Variants in ACAA2 observed in about 807,000 individuals in gnomAD.
ACAA2 encodes the protein acetyl-CoA acyltransferase 2, also known as 3-ketoacyl-CoA thiolase, mitochondrial.
In ACAA2, 35 loss-of-function variants were observed where a neutral mutation model predicts 44.8. That is an observed-to-expected ratio of 0.78 (90% CI 0.60 to 1.04). The LOEUF (loss-of-function observed/expected upper bound fraction) is 1.04, where lower values mean the gene tolerates loss of function less well. Ranked by LOEUF, ACAA2 falls within the 50% of genes least tolerant of loss-of-function variation. The pLI is 0.00. For synonymous variants in ACAA2, 142 were observed against 166.5 expected (o/e 0.85, Z 1.13); for missense variants, 468 against 482.6 (o/e 0.97, Z 0.28).
intron 2 of ACAA2, among the ~76,000 whole-genome samples, chr18:49,799,492 C>T (rs563553362): frequency 1.5e-4 from 23 of 152,342 alleles, no homozygotes; most frequent in African/African-American, 4.6e-4. Flanking sequence ...GCTGGGATTG[C>T]GGACGGAGTC....
At chr18:49,789,578 C>T (rs1395050175) in intron 7 of ACAA2, among the ~76,000 whole-genome samples, 1 of 152,152 alleles carries the variant, frequency 6.6e-6, no homozygotes, top group Non-Finnish European at 1.5e-5. Context: ...GCTAATCTAC[C>T]AGAACCTATT....
intron 2 of ACAA2, among the ~76,000 whole-genome samples, chr18:49,800,493 T>C (rs1222065984): frequency 2.0e-5 from 3 of 152,154 alleles, no homozygotes; most frequent in African/African-American, 7.2e-5. Context: ...AATCGGATGG[T>C]TGCCGTGTCT....
chr18:49,783,922 A>G lies in ACAA2; in HGVS notation c.1119T>C (p.Gly373=). 6.2e-7 allele frequency: 1 copy of G among 1,613,984 alleles called. No individual in the cohort carries two copies. The highest frequency in any genetic ancestry group is 8.5e-7 in the Non-Finnish European group (1 of 1,179,940). ...AAGCTGATCCAACGGCATATTTTCCACCTCGACGCCTGAAAAAGAAAGCAG... is the reference window on the plus strand; with the variant it reads ...AAGCTGATCCAACGGCATATTTTCCGCCTCGACGCCTGAAAAAGAAAGCAG... ...AHLVHELRRR[G]GKYAVGSACI... is the part of the protein sequence containing the mutation. The change falls in exon 10 of 10, where the codon GGT becomes GGC. Residue 373 remains glycine, a synonymous_variant. Coordinates refer to ENST00000285093, the MANE Select transcript of ACAA2 (RefSeq NM_006111.3).
intron 8 of ACAA2, 134 bp from the exon 9 acceptor site, chr18:49,785,485 C>G: frequency 1.2e-6 from 1 of 820,324 alleles, no homozygotes; most frequent in Non-Finnish European, 1.9e-6. Context: ...GTTATTTTAT[C>G]TACAATCATT....
At position 49,789,509 on chromosome 18, in the gene ACAA2, A is replaced by C. The variant is rs117072570; in HGVS notation, c.883+1961T>G. Among the ~76,000 whole-genome samples, 16 of 152,324 alleles carry C rather than the reference A, an allele frequency of 1.1e-4. No homozygotes were observed. The East Asian group carries it at 2.9e-3, about 28-fold the overall frequency. On this transcript the variant is annotated intron_variant, in intron 7 of 9. Transcript: ENST00000285093. The stretch of plus-strand genomic sequence containing the variant: ...GGAGCATTCTTTGTACTTTAGGGCA[A>C]ATATTCAGGCCCAGGAACAGAAGGA...
rs942033096 is a variant in ACAA2, at chr18:49,782,333, T to G, written c.*1514A>C. 2.6e-5 allele frequency: 4 copies of G among 152,182 alleles called. No homozygotes were observed. Among genetic ancestry groups the G allele is most frequent in the African/African-American group, 9.7e-5 (4 of 41,436 alleles). The allele number at this position is 152,182 out of a possible 1,614,324, so 9.4% of individuals were successfully genotyped here. A position where few individuals can be genotyped will look rare whatever the true frequency, so the allele number is the denominator to read the frequency against. ...TATCCCAAACCGTGGGTAGGCCGCTTGTCATCTGCCTCTCTATGACAGAAA... is the reference window on the plus strand; with the variant it reads ...TATCCCAAACCGTGGGTAGGCCGCTGGTCATCTGCCTCTCTATGACAGAAA... On this transcript the variant is annotated 3_prime_UTR_variant, in exon 10 of 10. Coordinates refer to ENST00000285093, the MANE Select transcript of ACAA2 (RefSeq NM_006111.3).
intron 7 of ACAA2, among the ~76,000 whole-genome samples, chr18:49,788,710 T>C (rs1259733327): frequency 6.6e-6 from 1 of 152,218 alleles, no homozygotes; most frequent in Non-Finnish European, 1.5e-5. Flanking sequence ...ACACACTTCC[T>C]TGTCTGCATA....
At chr18:49,792,391 T>C in intron 5 of ACAA2, 64 bp from the exon 6 acceptor site, 1 of 1,357,508 alleles carries the variant, frequency 7.4e-7, no homozygotes, top group Non-Finnish European at 1.0e-6. Context: ...AAATCAAACA[T>C]ATTATTCAAT....
intron 5 of ACAA2, 99 bp downstream of exon 5, chr18:49,794,181 G>A (rs1300764503): frequency 4.6e-6 from 4 of 861,430 alleles, no homozygotes; most frequent in South Asian, 7.7e-5. Context: ...ATTCTTAAAG[G>A]TATGATTTGT....
rs536459958 is a variant in ACAA2 at position 49,791,354 on chromosome 18, A to T, written c.883+116T>A. ...AGATTTTTTATTTAAACTGATTACC[A>T]ATCTTCTTTTCTCTACAGGTGACCT... On this transcript the variant is annotated intron_variant, in intron 7 of 9. Coordinates refer to ENST00000285093, the MANE Select transcript of ACAA2 (RefSeq NM_006111.3). The T allele has an allele frequency of 3.3e-6, 3 of 922,118 alleles. No homozygotes were observed. The African/African-American group carries it at 5.0e-5, about 15-fold the overall frequency. 57.1% of individuals were successfully genotyped at this position (922,118 alleles called of 1,614,324 possible).
chr18:49,803,661 T>C lies in ACAA2; in HGVS notation c.17-808A>G, dbSNP rs112291286. The stretch of plus-strand genomic sequence containing the variant: ...GATGCTTCACAATGCTAGAAACATA[T>C]GTTGAGAACTAAAATCCTTCTTCTA... On this transcript the variant is annotated intron_variant, in intron 1 of 9. Coordinates refer to ENST00000285093, the MANE Select transcript of ACAA2 (RefSeq NM_006111.3). Among the ~76,000 whole-genome samples, 695 of 152,320 alleles carry C rather than the reference T, an allele frequency of 4.6e-3. 5 individuals are homozygous for C. Among genetic ancestry groups the C allele is most frequent in the African/African-American group, 0.015 (614 of 41,566 alleles).
chr18:49,792,059 G>A (rs1199378968), intron 6 of ACAA2, 93 bp downstream of exon 6: 1 of 1,008,868 alleles, frequency 9.9e-7, no homozygotes, highest in African/African-American at 1.6e-5. Flanking sequence ...AACAACTAAA[G>A]ACTGGCATAA....
chr18:49,803,244 A>ATAATAATAC (rs1230086239), intron 1 of ACAA2, among the ~76,000 whole-genome samples: 2 of 141,070 alleles, frequency 1.4e-5, no homozygotes, highest in Non-Finnish European at 3.0e-5. Context: ...AGTTAAAATA[A>ATAATAATAC]TAATAATAAT....
Position 49,787,277 on chromosome 18 carries a change from A to AAAAAAC in ACAA2, c.954+13_954+14insGTTTTT. 2 of 1,465,198 alleles carry AAAAAAC rather than the reference A, an allele frequency of 1.4e-6. No homozygotes were observed. The highest frequency in any genetic ancestry group is 1.5e-5 in the South Asian group (1 of 68,922). 90.8% of individuals were successfully genotyped at this position (1,465,198 alleles called of 1,614,324 possible). ...CATGTTGTTAAAAAAAAAAAAAAAA[A>AAAAAAC]AAAAAACACTTACCTCTACCAAATC... On this transcript the variant is annotated intron_variant, in intron 8 of 9. Coordinates refer to ENST00000285093, the MANE Select transcript of ACAA2 (RefSeq NM_006111.3).
At chr18:49,790,553 T>C (rs536422922) in intron 7 of ACAA2, among the ~76,000 whole-genome samples, 1 of 152,316 alleles carries the variant, frequency 6.6e-6, no homozygotes, top group Admixed American at 6.5e-5. Context: ...AGGCTTTTCC[T>C]TACAGTGGGA....
chr18:49,794,599 T>G (rs962093094), intron 4 of ACAA2, among the ~76,000 whole-genome samples, 172 bp from the exon 5 acceptor site: 13 of 152,200 alleles, frequency 8.5e-5, no homozygotes, highest in Non-Finnish European at 1.9e-4. Context: ...ATGCAATGTT[T>G]TTGAAAACAT....
rs757248601 is a variant in ACAA2 at position 49,795,814 on chromosome 18, T to G, written c.380A>C (p.Tyr127Ser). Reference protein sequence around the residue: ...GGTESMSQAPYCVRNVRFGTK... With the variant: ...GGTESMSQAPSCVRNVRFGTK... ...TCCAAAACGCACATTTCTGACACAG[T>G]AGGGAGCTTGGCTCATGCTTTCGGT... Residue 127 changes from tyrosine (Y) to serine (S), a missense_variant, in exon 4 of 10, where the codon TAC (tyrosine) becomes TCC (serine). Coordinates refer to ENST00000285093, the MANE Select transcript of ACAA2 (RefSeq NM_006111.3). The G allele has an allele frequency of 1.2e-6, 2 of 1,612,218 alleles. No homozygotes were observed. Among genetic ancestry groups the G allele is most frequent in the Admixed American group, 3.3e-5 (2 of 59,770 alleles).
At position 49,785,626 on chromosome 18, in the gene ACAA2, A is replaced by T. The variant is rs562136487; in HGVS notation, c.955-275T>A. On this transcript the variant is annotated intron_variant, in intron 8 of 9. Transcript: ENST00000285093. ...ACCAGACACAGTGGGATACTGTAGA[A>T]AGCCCACAGGTTTTAGAACTGGATG... 3 of 409,494 alleles carry T rather than the reference A, an allele frequency of 7.3e-6. No homozygotes were observed. The South Asian group carries it at 9.0e-5, about 12-fold the overall frequency. The allele number at this position is 409,494 out of a possible 1,614,324, so 25.4% of individuals were successfully genotyped here.
intron 2 of ACAA2, among the ~76,000 whole-genome samples, chr18:49,797,844 T>C (rs183894805): frequency 3.5e-4 from 53 of 152,334 alleles, no homozygotes; most frequent in East Asian, 1.3e-3. Flanking sequence ...AAATGTATCA[T>C]TGTAACCATT....
Sources: allele counts gnomAD v4.1 joint callset (sites outside exome capture counted in the v4.1 genomes callset), GRCh38; gene constraint gnomAD v4.1.1; transcripts MANE v1.5; gene names NCBI Gene and HGNC (gene_info 2026-07-23, HGNC 2026-07-21).